The following TXNDC16 variants were observed in gnomAD, a reference collection of about 807,000 sequenced individuals.
TXNDC16 encodes thioredoxin domain-containing protein 16.
A neutral mutation model predicts 85.6 loss-of-function variants in TXNDC16; 74 were observed. The observed-to-expected ratio is 0.86, with a 90% CI of 0.72 to 1.05. The LOEUF is 1.05. Among genes scored for constraint, TXNDC16 ranks in the 50% least tolerant of loss-of-function variants. TXNDC16 has a pLI of 0.00. For synonymous variants in TXNDC16, 335 were observed against 326.5 expected (o/e 1.03, Z -0.28); for missense variants, 959 against 947.0 (o/e 1.01, Z -0.17).
At position 52,504,087 on chromosome 14, in the gene TXNDC16, C is replaced by T. The variant is rs1315711125; in HGVS notation, c.756+7153G>A. Among the ~76,000 whole-genome samples the T allele has an allele frequency of 7.2e-5, 11 of 152,178 alleles. No homozygotes were observed. In the South Asian group the frequency reaches 1.2e-3, roughly 17 times the overall value. The stretch of plus-strand genomic sequence containing the variant: ...GGACTACGTGAAAAGACCAAATCTA[C>T]GTCTGACTGGTATACCTGAAAGTGA... On this transcript the variant is annotated intron_variant, in intron 9 of 20. Coordinates refer to ENST00000281741, the MANE Select transcript of TXNDC16 (RefSeq NM_020784.3).
At chr14:52,460,766 G>C (rs1433426516) in intron 16 of TXNDC16, among the ~76,000 whole-genome samples, 1 of 151,908 alleles carries the variant, frequency 6.6e-6, no homozygotes, top group African/African-American at 2.4e-5. Context: ...TATGTCTATA[G>C]AATATGTCTC....
intron 16 of TXNDC16, among the ~76,000 whole-genome samples, chr14:52,469,448 AATGTTAAATAAAAACAAG>A (rs2035852363): frequency 6.6e-6 from 1 of 152,200 alleles, no homozygotes; most frequent in African/African-American, 2.4e-5. Context: ...ACATCATTGT[AATGTTAAATAAAAACAAG>A]ATTCTGGCTA....
intron 9 of TXNDC16, among the ~76,000 whole-genome samples, chr14:52,496,265 A>G (rs996402172): frequency 6.6e-6 from 1 of 151,988 alleles, no homozygotes; most frequent in Admixed American, 6.6e-5. Flanking sequence ...TGAAGCGGGG[A>G]AAAATGGAGG....
intron 1 of TXNDC16, among the ~76,000 whole-genome samples, chr14:52,545,679 A>T (rs1207327994): frequency 2.6e-5 from 4 of 152,218 alleles, no homozygotes; most frequent in Admixed American, 6.5e-5. Context: ...TGAAAATAGG[A>T]CGGTCAATGC....
chr14:52,439,419 A>T, intron 19 of TXNDC16, 25 bp from the exon 20 acceptor site: 1 of 1,575,718 alleles, frequency 6.3e-7, no homozygotes, highest in Non-Finnish European at 8.6e-7. Context: ...AATTGAACAT[A>T]TTAATATTTC....
At chr14:52,502,120 T>G (rs1244312264) in intron 9 of TXNDC16, among the ~76,000 whole-genome samples, 2 of 152,226 alleles carry the variant, frequency 1.3e-5, no homozygotes, top group Non-Finnish European at 2.9e-5. Context: ...CTTTCCAATT[T>G]GGCTCTGATC....
chr14:52,514,859 A>T (rs1406959555), intron 8 of TXNDC16, 21 bp downstream of exon 8: 6 of 1,547,712 alleles, frequency 3.9e-6, no homozygotes, highest in South Asian at 1.2e-5. Flanking sequence ...TAAATTGTTG[A>T]CATATGCTTT....
intron 6 of TXNDC16, among the ~76,000 whole-genome samples, chr14:52,535,626 G>T (rs1235927794): frequency 1.3e-5 from 2 of 152,120 alleles, no homozygotes; most frequent in Non-Finnish European, 2.9e-5. Flanking sequence ...ATATTTTCTA[G>T]CTCTGTTACC....
intron 9 of TXNDC16, among the ~76,000 whole-genome samples, chr14:52,504,265 T>G (rs1230453083): frequency 6.6e-6 from 1 of 152,024 alleles, no homozygotes; most frequent in African/African-American, 2.4e-5. Flanking sequence ...AGACACATAA[T>G]TGTCAGATTC....
At chr14:52,476,268 A>C (rs74564938) in intron 14 of TXNDC16, among the ~76,000 whole-genome samples, 1 of 152,116 alleles carries the variant, frequency 6.6e-6, no homozygotes, top group Non-Finnish European at 1.5e-5. Flanking sequence ...ACAAAGCAAG[A>C]TTCTTTAACT....
intron 6 of TXNDC16, among the ~76,000 whole-genome samples, chr14:52,531,852 A>C (rs953013916): frequency 2.0e-5 from 3 of 152,214 alleles, no homozygotes; most frequent in African/African-American, 7.2e-5. Flanking sequence ...CAACTGTACC[A>C]CACTAATGCA....
chr14:52,501,198 G>C (rs991044163), intron 9 of TXNDC16, among the ~76,000 whole-genome samples: 1 of 151,814 alleles, frequency 6.6e-6, no homozygotes, highest in African/African-American at 2.4e-5. Context: ...ACCTCCCATC[G>C]TGAGTATAAG....
chr14:52,471,170 C>T (rs1024478109), intron 14 of TXNDC16, among the ~76,000 whole-genome samples: 2 of 152,158 alleles, frequency 1.3e-5, no homozygotes, highest in African/African-American at 4.8e-5. Context: ...TCTTGTGCAA[C>T]TCAAAAAACA....
At chr14:52,453,865 T>C (rs1566535400) in intron 18 of TXNDC16, among the ~76,000 whole-genome samples, 2 of 152,100 alleles carry the variant, frequency 1.3e-5, no homozygotes, top group Non-Finnish European at 1.5e-5. Context: ...TGCCTATCTT[T>C]TGGATAAAAA....
At position 52,456,383 on chromosome 14, in the gene TXNDC16, T is replaced by C. The variant is rs79801464; in HGVS notation, c.1703+707A>G. On this transcript the variant is annotated intron_variant, in intron 17 of 20. Coordinates refer to ENST00000281741, the MANE Select transcript of TXNDC16 (RefSeq NM_020784.3). ...AGTCCTCATATTTCCTTCTTTAATA[T>C]ATACTTTATGAAAATCAGTGATTTC... is the stretch of plus-strand genomic sequence containing the variant. Among the ~76,000 whole-genome samples the C allele has an allele frequency of 4.9e-3, 752 of 152,256 alleles. 4 individuals are homozygous for C. The highest frequency in any genetic ancestry group is 0.017 in the African/African-American group (702 of 41,550).
At chr14:52,471,677 C>A (rs1195300910) in intron 14 of TXNDC16, among the ~76,000 whole-genome samples, 1 of 152,120 alleles carries the variant, frequency 6.6e-6, no homozygotes, top group East Asian at 1.9e-4. Flanking sequence ...TTTCCAGCAC[C>A]TGCAGTACCT....
At chr14:52,469,444 T>C (rs1203266301) in intron 16 of TXNDC16, among the ~76,000 whole-genome samples, 3 of 152,110 alleles carry the variant, frequency 2.0e-5, no homozygotes, top group South Asian at 4.1e-4. Flanking sequence ...CAATACATCA[T>C]TGTAATGTTA....
At chr14:52,521,347 T>G (rs1479817377) in intron 6 of TXNDC16, among the ~76,000 whole-genome samples, 2 of 150,244 alleles carry the variant, frequency 1.3e-5, no homozygotes, top group Admixed American at 1.3e-4. Context: ...GGTCTCAAAC[T>G]CCTGACCTCA....
intron 20 of TXNDC16, among the ~76,000 whole-genome samples, chr14:52,433,184 A>G (rs2034947256): frequency 6.6e-6 from 1 of 152,174 alleles, no homozygotes; most frequent in Admixed American, 6.5e-5. Flanking sequence ...ATAATTAAAA[A>G]TTGCTGTGGA....
Sources: gnomAD v4.1 joint callset for allele counts (sites outside exome capture counted in the v4.1 genomes callset) on GRCh38, gnomAD v4.1.1 for gene constraint, MANE v1.5 for transcripts, NCBI Gene and HGNC (gene_info 2026-07-23, HGNC 2026-07-21) for gene names.